Variants in SQSTM1 observed in about 807,000 individuals in gnomAD.
The protein encoded by SQSTM1 is sequestosome-1.
Under a neutral mutation model 45.1 loss-of-function variants are expected in SQSTM1, and 36 were observed. The observed-to-expected ratio is 0.80, with a 90% confidence interval of 0.61 to 1.05. The LOEUF (loss-of-function observed/expected upper bound fraction) is 1.05. Ranked by LOEUF, SQSTM1 falls within the 50% of genes least tolerant of loss-of-function variation. The pLI is 0.00. For missense variants in SQSTM1, 617 were observed against 607.1 expected, an observed-to-expected ratio of 1.02 and a Z score of -0.17; for synonymous variants, 290 against 244.3, an observed-to-expected ratio of 1.19 and a Z score of -1.74.
At position 179,836,716 on chromosome 5, in the gene SQSTM1, G is replaced by A; in HGVS notation, c.*123G>A. ...CCTTCTTCCAGGATCAGGGGTTAGG[G>A]TGCAAGAAGCCATTTAGGGCAGCAA... is the stretch of plus-strand genomic sequence containing the variant. On this transcript the variant is annotated 3_prime_UTR_variant, in exon 8 of 8. Transcript: ENST00000389805. The A allele has an allele frequency of 1.3e-6, 2 of 1,482,958 alleles. No homozygotes were observed. The highest frequency in any genetic ancestry group is 1.9e-6 in the Non-Finnish European group (2 of 1,065,182). The allele number at this position is 1,482,958 out of a possible 1,614,324, so 91.9% of individuals were successfully genotyped here.
At chr5:179,832,847 G>A (rs539566824) in intron 5 of SQSTM1, among the ~76,000 whole-genome samples, 185 bp from the exon 6 acceptor site, 4 of 152,244 alleles carry the variant, frequency 2.6e-5, no homozygotes, top group East Asian at 3.9e-4. Context: ...TGATTGCGGG[G>A]TCGAGCTGGG....
chr5:179,830,108 CAAACAAAACA>C (rs1001660484), intron 5 of SQSTM1, among the ~76,000 whole-genome samples: 5 of 145,422 alleles, frequency 3.4e-5, no homozygotes, highest in Non-Finnish European at 7.5e-5. Flanking sequence ...GACCTTGTCT[CAAACAAAACA>C]AAACAAAACA....
chr5:179,833,457 C>T (rs1758341487), intron 6 of SQSTM1, 130 bp from the exon 7 acceptor site: 5 of 1,083,244 alleles, frequency 4.6e-6, no homozygotes, highest in Non-Finnish European at 5.5e-6. Context: ...CACTGTTCCC[C>T]CTAGACCCCT....
At chr5:179,834,687 C>G (rs1303504997) in intron 7 of SQSTM1, among the ~76,000 whole-genome samples, 1 of 152,260 alleles carries the variant, frequency 6.6e-6, no homozygotes, top group East Asian at 1.9e-4. Flanking sequence ...CCATTTAACC[C>G]TGAGTGGACA....
At position 179,823,929 on chromosome 5, in the gene SQSTM1, A is replaced by G; in HGVS notation, c.373A>G (p.Asn125Asp). 1.9e-6 allele frequency: 3 copies of G among 1,613,878 alleles called. No homozygotes were observed. Among genetic ancestry groups the G allele is most frequent in the Middle Eastern group, 1.7e-4 (1 of 6,060 alleles). Residue 125 changes from asparagine (N) to aspartate (D), a missense_variant, in exon 3 of 8, where the codon AAT (asparagine) becomes GAT (aspartate). Asn to Asp is a conservative substitution (Grantham distance 23, BLOSUM62 1). Coordinates refer to ENST00000389805, the MANE Select transcript of SQSTM1 (RefSeq NM_003900.5). Reference protein sequence around the residue: ...QEAPRNMVHPNVICDGCNGPV... With the variant: ...QEAPRNMVHPDVICDGCNGPV... ...GGCGCCCCGCAACATGGTGCACCCC[A>G]ATGTGATCTGCGATGGCTGCAATGG...
intron 4 of SQSTM1, among the ~76,000 whole-genome samples, chr5:179,824,714 T>G (rs1459413680): frequency 6.6e-6 from 1 of 152,222 alleles, no homozygotes; most frequent in East Asian, 1.9e-4. Context: ...TAGTTATAAG[T>G]GAAAGACTTA....
At chr5:179,814,155 G>A (rs552051479), upstream of SQSTM1, among the ~76,000 whole-genome samples, 1 of 152,104 alleles carries the variant, frequency 6.6e-6, no homozygotes, top group African/African-American at 2.4e-5. Flanking sequence ...ATACAACTCC[G>A]TTTCTCTTGC....
rs1377231209 is a variant in SQSTM1 at position 179,836,815 on chromosome 5, C to G, written c.*222C>G. The G allele has an allele frequency of 2.8e-6, 2 of 724,510 alleles. No individual in the cohort carries two copies. Among genetic ancestry groups the G allele is most frequent in the Non-Finnish European group, 4.7e-6 (2 of 427,346 alleles). 44.9% of individuals were successfully genotyped at this position (724,510 alleles called of 1,614,324 possible). On this transcript the variant is annotated 3_prime_UTR_variant, in exon 8 of 8. Transcript: ENST00000389805. Reference sequence around the variant, plus strand: ...TCCTGGGTGCCCTGGCTCCTTGCAGCAGGGCTGGGCCTGCGAGACCCAAGG... The same window carrying G: ...TCCTGGGTGCCCTGGCTCCTTGCAGGAGGGCTGGGCCTGCGAGACCCAAGG...
upstream of SQSTM1, among the ~76,000 whole-genome samples, chr5:179,816,001 G>A (rs1237388544): frequency 6.6e-6 from 1 of 152,156 alleles, no homozygotes; most frequent in African/African-American, 2.4e-5. Flanking sequence ...AGTCTCGTCG[G>A]GAGGCTGAGG....
At chr5:179,819,871 C>T (rs187831520), upstream of SQSTM1, among the ~76,000 whole-genome samples, 379 of 152,302 alleles carry the variant, frequency 2.5e-3, 3 homozygotes, top group African/African-American at 8.7e-3. Flanking sequence ...CTGACTGGCC[C>T]CATCCAGCCA....
At chr5:179,827,577 C>A (rs938825370) in intron 5 of SQSTM1, among the ~76,000 whole-genome samples, 7 of 152,242 alleles carry the variant, frequency 4.6e-5, no homozygotes, top group Non-Finnish European at 1.0e-4. Flanking sequence ...AGCCACTGCA[C>A]CCGGCCCTCA....
rs1470138280 is a variant in SQSTM1 at position 179,806,494 on chromosome 5, G to A, written c.-254G>A. On this transcript the variant is annotated 5_prime_UTR_variant, in exon 1 of 6. Coordinates refer to the SQSTM1 transcript ENST00000514093. This position sits in a 1 kb window ranked among gnomAD's most constrained non-coding sequence, Gnocchi z 4.6. Reference sequence around the variant, plus strand: ...GGCGGGGGTCGCGCTCACCTTTCTGGCCGCTGAGTGCCGCGTACCAGGACA... The same window carrying A: ...GGCGGGGGTCGCGCTCACCTTTCTGACCGCTGAGTGCCGCGTACCAGGACA... The A allele has an allele frequency of 1.5e-6, 2 of 1,309,280 alleles. No individual in the cohort carries two copies. Among genetic ancestry groups the A allele is most frequent in the Non-Finnish European group, 1.0e-6 (1 of 1,003,272 alleles). 81.1% of individuals were successfully genotyped at this position (1,309,280 alleles called of 1,614,324 possible).
chr5:179,819,332 C>G (rs1404931367), upstream of SQSTM1, among the ~76,000 whole-genome samples: 2 of 151,972 alleles, frequency 1.3e-5, no homozygotes, highest in South Asian at 2.1e-4. Flanking sequence ...CCCCGCCCCC[C>G]CCCCAGTCTC....
upstream of SQSTM1, among the ~76,000 whole-genome samples, chr5:179,817,089 C>T (rs1432682761): frequency 4.7e-5 from 7 of 149,896 alleles, no homozygotes; most frequent in Non-Finnish European, 8.9e-5. Context: ...GCCGGAGCCG[C>T]GCCGGGGGCC....
At chr5:179,829,136 AT>A (rs770852406) in intron 5 of SQSTM1, among the ~76,000 whole-genome samples, 8 of 152,198 alleles carry the variant, frequency 5.3e-5, no homozygotes, top group Non-Finnish European at 1.0e-4. Context: ...CTCATGTTTA[AT>A]TCCAGGAGCA....
chr5:179,836,818 G>A lies in SQSTM1; in HGVS notation c.*225G>A. 1.4e-6 allele frequency: 1 copy of A among 713,888 alleles called. No homozygotes were observed. Among genetic ancestry groups the A allele is most frequent in the Non-Finnish European group, 2.4e-6 (1 of 419,714 alleles). The allele number at this position is 713,888 out of a possible 1,614,324, so 44.2% of individuals were successfully genotyped here. ...TGGGTGCCCTGGCTCCTTGCAGCAG[G>A]GCTGGGCCTGCGAGACCCAAGGCTC... On this transcript the variant is annotated 3_prime_UTR_variant, in exon 8 of 8. Coordinates refer to ENST00000389805, the MANE Select transcript of SQSTM1 (RefSeq NM_003900.5).
rs907862704 is a variant in SQSTM1, at chr5:179,820,930, G to A, written c.-7G>A. The A allele has an allele frequency of 5.4e-5, 83 of 1,530,826 alleles. No homozygotes were observed. Among genetic ancestry groups the A allele is most frequent in the Middle Eastern group, 1.8e-4 (1 of 5,624 alleles). The allele number at this position is 1,530,826 out of a possible 1,614,324, so 94.8% of individuals were successfully genotyped here. A position where few individuals can be genotyped will look rare whatever the true frequency, so the allele number is the denominator to read the frequency against. On this transcript the variant is annotated 5_prime_UTR_variant, in exon 1 of 8. Transcript: ENST00000389805. ...ACGGCCCGTTTTCCGCCAGCTCGCCGCTCGCTATGGCGTCGCTCACCGTGA... is the reference window on the plus strand; with the variant it reads ...ACGGCCCGTTTTCCGCCAGCTCGCCACTCGCTATGGCGTCGCTCACCGTGA...
chr5:179,815,103 T>G (rs1260322458), upstream of SQSTM1, among the ~76,000 whole-genome samples: 1 of 151,746 alleles, frequency 6.6e-6, no homozygotes, highest in African/African-American at 2.4e-5. Flanking sequence ...GCCTGTATTG[T>G]GACCATCACT....
upstream of SQSTM1, among the ~76,000 whole-genome samples, chr5:179,816,488 G>A (rs972535861): frequency 5.3e-5 from 8 of 152,172 alleles, no homozygotes; most frequent in African/African-American, 1.9e-4. Context: ...AGGGGAGCGA[G>A]AGGGCCATCG....
Sources: allele counts gnomAD v4.1 joint callset (sites outside exome capture counted in the v4.1 genomes callset), GRCh38; gene constraint gnomAD v4.1.1; non-coding constraint Gnocchi (gnomAD v3.1); transcripts MANE v1.5; gene names NCBI Gene and HGNC (gene_info 2026-07-23, HGNC 2026-07-21).